The following ERCC6 variants were observed in gnomAD, a reference collection of about 807,000 sequenced individuals.
ERCC6 encodes ERCC excision repair 6, chromatin remodeling factor, also known as DNA excision repair protein ERCC-6.
Under a neutral mutation model 158.7 loss-of-function variants are expected in ERCC6, and 116 were observed. The ratio of observed to expected loss-of-function variants is 0.73; its 90% CI spans 0.63 to 0.85. The LOEUF (loss-of-function observed/expected upper bound fraction) is 0.85. ERCC6 is among the 40% of genes least tolerant of loss of function. The pLI, the probability that ERCC6 is intolerant of heterozygous loss-of-function variation, is 0.00. For missense variants in ERCC6, 1,698 were observed against 1,799.4 expected (o/e 0.94, Z 1.02); for synonymous variants, 678 against 659.3 (o/e 1.03, Z -0.43).
intron 20 of ERCC6, 31 bp from the exon 21 acceptor site, chr10:49,459,265 T>A: frequency 6.2e-7 from 1 of 1,609,598 alleles, no homozygotes; most frequent in Non-Finnish European, 8.5e-7. Flanking sequence ...TACTGATATA[T>A]TTAATTTCTA....
chr10:49,437,066 C>T, the ERCC6 span, among the ~76,000 whole-genome samples: 1 of 152,114 alleles, frequency 6.6e-6, no homozygotes, highest in Non-Finnish European at 1.5e-5. Context: ...TGGTTTCCCC[C>T]ATGCTGTTCT....
Position 49,482,716 on chromosome 10 carries a change from C to T in ERCC6, c.2140G>A (p.Gly714Arg). 1 of 1,613,792 alleles carries T rather than the reference C, an allele frequency of 6.2e-7. No individual in the cohort carries two copies. Among genetic ancestry groups the T allele is most frequent in the Non-Finnish European group, 8.5e-7 (1 of 1,179,956 alleles). ...MEQFSVPITMGGYSNASPVQV... is the reference protein window; with the variant it reads ...MEQFSVPITMRGYSNASPVQV... ...ACTGGGGAAGCATTTGAATATCCCCCCATGGTGATGGGGACGGAGAACTGC... is the reference window on the plus strand; with the variant it reads ...ACTGGGGAAGCATTTGAATATCCCCTCATGGTGATGGGGACGGAGAACTGC... Residue 714 changes from glycine (G) to arginine (R), a missense_variant, in exon 10 of 21, where the codon GGG (glycine) becomes AGG (arginine). Physicochemically the swap from Gly to Arg is moderately radical, Grantham distance 125. Coordinates refer to ENST00000355832, the MANE Select transcript of ERCC6 (RefSeq NM_000124.4).
chr10:49,447,620 C>T, the ERCC6 span, among the ~76,000 whole-genome samples: 1 of 151,784 alleles, frequency 6.6e-6, no homozygotes, highest in Non-Finnish European at 1.5e-5. Context: ...AGGAGAATGG[C>T]GTGAACCTGG....
chr10:49,452,589 G>A (rs1292862748), downstream of ERCC6, among the ~76,000 whole-genome samples: 1 of 152,062 alleles, frequency 6.6e-6, no homozygotes, highest in Non-Finnish European at 1.5e-5. Context: ...ATGTCTGTTA[G>A]GGCTAGTTGG....
At chr10:49,518,450 G>A (rs1837050959) in intron 5 of ERCC6, among the ~76,000 whole-genome samples, 1 of 152,170 alleles carries the variant, frequency 6.6e-6, no homozygotes, top group Non-Finnish European at 1.5e-5. Flanking sequence ...TATCTCCTGG[G>A]TGGCTGTAAG....
At chr10:49,437,491 TG>T in the ERCC6 span, among the ~76,000 whole-genome samples, 8 of 152,120 alleles carry the variant, frequency 5.3e-5, no homozygotes, top group African/African-American at 1.7e-4. Flanking sequence ...AGTACAAAAC[TG>T]AGAATAGTGT....
intron 11 of ERCC6, among the ~76,000 whole-genome samples, chr10:49,476,843 A>G (rs1396958993): frequency 6.6e-6 from 1 of 151,982 alleles, no homozygotes; most frequent in Non-Finnish European, 1.5e-5. Context: ...CCTCCTTCGC[A>G]AAGTCCACCA....
At chr10:49,513,483 G>A (rs992708935) in intron 5 of ERCC6, among the ~76,000 whole-genome samples, 7 of 152,040 alleles carry the variant, frequency 4.6e-5, no homozygotes, top group Non-Finnish European at 1.0e-4. Context: ...TATTGTATGA[G>A]TCCATTTTCA....
intron 11 of ERCC6, among the ~76,000 whole-genome samples, chr10:49,476,906 C>T (rs540982918): frequency 6.6e-6 from 1 of 152,300 alleles, no homozygotes; most frequent in Non-Finnish European, 1.5e-5. Flanking sequence ...TGCCACCTAC[C>T]TGGACCCCTT....
the ERCC6 span, among the ~76,000 whole-genome samples, chr10:49,448,078 G>A: frequency 6.6e-5 from 10 of 152,110 alleles, no homozygotes; most frequent in Non-Finnish European, 1.3e-4. Context: ...TGGATCATAT[G>A]GTAATTGTAT....
intron 8 of ERCC6, among the ~76,000 whole-genome samples, chr10:49,489,914 T>C (rs1851142945): frequency 6.6e-6 from 1 of 152,210 alleles, no homozygotes; most frequent in South Asian, 2.1e-4. Context: ...AAACATCCTT[T>C]ATTTTTTTTG....
chr10:49,493,138 G>T lies in ERCC6; in HGVS notation c.1800C>A (p.Thr600=). ...PPFRVAILHE[T]GSYTHKKEKL... ...TTACCTTTTTGTGGGTATAGGAACC[G>T]GTTTCATGTAGAATTGCCACTCTGA... The change falls in exon 8 of 21, where the codon ACC becomes ACA. Residue 600 remains threonine (T), a synonymous_variant. Transcript: ENST00000355832. 6.2e-7 allele frequency: 1 copy of T among 1,614,074 alleles called. No individual in the cohort carries two copies.
At chr10:49,453,764 T>C (rs2132518732), downstream of ERCC6, among the ~76,000 whole-genome samples, 1 of 57,036 alleles carries the variant, frequency 1.8e-5, no homozygotes, top group South Asian at 1.2e-3. Context: ...GGATTCTTGG[T>C]TGACAGTTTT....
Position 49,482,870 on chromosome 10 carries a change from G to A in ERCC6, c.1993-7C>T, listed in dbSNP as rs199870074. On this transcript the variant is annotated splice_region_variant and splice_polypyrimidine_tract_variant and intron_variant, in intron 9 of 20. Coordinates refer to ENST00000355832, the MANE Select transcript of ERCC6 (RefSeq NM_000124.4). ...TCCGATGAGGGGTGCGAAACTATTT[G>A]AGGAAAGGAAGCACCTTTTTATTAA... The A allele has an allele frequency of 4.6e-5, 74 of 1,614,050 alleles. No individual in the cohort carries two copies. The African/African-American group carries it at 7.7e-4, about 17-fold the overall frequency.
rs1850473310 is a variant in ERCC6, at chr10:49,455,678, G to A, written c.*3137C>T. The A allele has an allele frequency of 6.6e-6, 1 of 152,186 alleles. No homozygotes were observed. Among genetic ancestry groups the A allele is most frequent in the South Asian group, 2.1e-4 (1 of 4,826 alleles). The allele number at this position is 152,186 out of a possible 1,614,324, so 9.4% of individuals were successfully genotyped here. On this transcript the variant is annotated 3_prime_UTR_variant, in exon 21 of 21. Coordinates refer to ENST00000355832, the MANE Select transcript of ERCC6 (RefSeq NM_000124.4). ...TGCCTTTTTGTTTTTGTTTAGGGGA[G>A]CAATCCTAAAAGATAAACAACCCAC...
chr10:49,485,443 C>A (rs573054350), intron 8 of ERCC6, among the ~76,000 whole-genome samples: 1 of 152,120 alleles, frequency 6.6e-6, no homozygotes, highest in Admixed American at 6.5e-5. Flanking sequence ...TAAAGCATAA[C>A]AACAAAGCCT....
At chr10:49,469,208 C>T (rs899515427) in intron 18 of ERCC6, among the ~76,000 whole-genome samples, 4 of 152,144 alleles carry the variant, frequency 2.6e-5, no homozygotes, top group East Asian at 1.9e-4. Context: ...CTTGAAAGCA[C>T]AAATTAATTA....
At chr10:49,473,089 T>G (rs1221037212) in intron 14 of ERCC6, 61 bp from the exon 15 acceptor site, 3 of 1,611,400 alleles carry the variant, frequency 1.9e-6, no homozygotes, top group Admixed American at 1.7e-5. Flanking sequence ...GTTCTCAGCC[T>G]CTGCCTCCAC....
Position 49,490,406 on chromosome 10 carries a change from G to A in ERCC6, c.1821+2711C>T, listed in dbSNP as rs141723257. Among the ~76,000 whole-genome samples, 294 of 147,944 alleles carry A rather than the reference G, an allele frequency of 2.0e-3. 2 individuals are homozygous for A. Among genetic ancestry groups the A allele is most frequent in the Admixed American group, 3.4e-3 (49 of 14,544 alleles). On this transcript the variant is annotated intron_variant, in intron 8 of 20. Coordinates refer to ENST00000355832, the MANE Select transcript of ERCC6 (RefSeq NM_000124.4). Reference sequence around the variant, plus strand: ...GTCTCGCTCTGTCGCCCAGGCTAGAGTGCAGTGGCACAGTCCAGGCTCACT... The same window carrying A: ...GTCTCGCTCTGTCGCCCAGGCTAGAATGCAGTGGCACAGTCCAGGCTCACT...
Sources: allele counts gnomAD v4.1 joint callset (sites outside exome capture counted in the v4.1 genomes callset), GRCh38; gene constraint gnomAD v4.1.1; transcripts MANE v1.5; gene names NCBI Gene and HGNC (gene_info 2026-07-23, HGNC 2026-07-21).